Variants in KIF25 observed in about 807,000 individuals in gnomAD.
KIF25 encodes the protein kinesin family member 25, also known as kinesin-like protein KIF25.
A neutral mutation model predicts 32.9 loss-of-function variants in KIF25; 19 were observed. The ratio of observed to expected loss-of-function variants is 0.58; its 90% CI spans 0.40 to 0.85. KIF25 has a LOEUF of 0.85. KIF25 is among the 40% of genes least tolerant of loss of function. KIF25 has a pLI of 0.00. For missense variants in KIF25, 485 were observed against 507.0 expected (o/e 0.96, Z 0.42); for synonymous variants, 225 against 213.7 (o/e 1.05, Z -0.46).
intron 5 of KIF25, among the ~76,000 whole-genome samples, chr6:168,029,092 A>C (rs1337695326): frequency 1.3e-5 from 2 of 152,208 alleles, no homozygotes; most frequent in East Asian, 3.8e-4. Context: ...TCAACTGCAT[A>C]AGCCAATCAT....
chr6:168,018,437 A>G (rs1303280443), intron 5 of KIF25, among the ~76,000 whole-genome samples: 1 of 152,138 alleles, frequency 6.6e-6, no homozygotes, highest in East Asian at 1.9e-4. Context: ...TATCAAATGC[A>G]TTTTCAACTT....
Position 168,018,055 on chromosome 6 carries a change from A to G in KIF25, c.-95+15A>G, listed in dbSNP as rs1180743441. ...CATTTTGAAAGGTAAGTGCTTTTCA[A>G]GATGTCCTATAAAGCAAACTTCCAT... On this transcript the variant is annotated intron_variant, in intron 5 of 12. Coordinates refer to ENST00000643607, the MANE Select transcript of KIF25 (RefSeq NM_030615.4). The G allele has an allele frequency of 6.6e-6, 1 of 152,646 alleles. No individual in the cohort carries two copies. The highest frequency in any genetic ancestry group is 6.5e-5 in the Admixed American group (1 of 15,280). 9.5% of individuals were successfully genotyped at this position (152,646 alleles called of 1,614,324 possible).
In KIF25 at chr6:168,045,074, G is replaced by C. The variant is rs191331655; in HGVS notation, c.*78G>C. ...ATGCATATGTGCTTAGAAATAAACA[G>C]GTTTCACGTGGACTCAATAAACCTG... On this transcript the variant is annotated 3_prime_UTR_variant, in exon 13 of 13. Coordinates refer to ENST00000643607, the MANE Select transcript of KIF25 (RefSeq NM_030615.4). 2.0e-4 allele frequency: 282 copies of C among 1,379,350 alleles called. 1 individual carries two copies. The African/African-American group carries it at 2.9e-3, about 14-fold the overall frequency. The allele number at this position is 1,379,350 out of a possible 1,614,324, so 85.4% of individuals were successfully genotyped here.
chr6:168,018,694 C>T (rs1442421060), intron 5 of KIF25, among the ~76,000 whole-genome samples: 5 of 152,186 alleles, frequency 3.3e-5, no homozygotes, highest in South Asian at 2.1e-4. Flanking sequence ...AGAATCAATG[C>T]GCGTGGCCTT....
In KIF25 at chr6:168,042,649, G is replaced by A; in HGVS notation, c.918G>A (p.Leu306=). Residue 306 remains leucine, a synonymous_variant, in exon 12 of 13, where the codon TTG becomes TTA. Coordinates refer to ENST00000643607, the MANE Select transcript of KIF25 (RefSeq NM_030615.4). ...CCCTGGCAGGCGTCCTGGGGGCTTT[G>A]TTGGAGCACCGTGGCCATGCCCCGT... The part of the protein sequence containing the change: ...LAALAGVLGA[L]LEHRGHAPYR... 1.1e-5 allele frequency: 17 copies of A among 1,613,812 alleles called. No homozygotes were observed. Among genetic ancestry groups the A allele is most frequent in the Non-Finnish European group, 1.4e-5 (17 of 1,180,024 alleles).
chr6:168,041,467 T>A (rs1466568779), intron 10 of KIF25, among the ~76,000 whole-genome samples: 2 of 152,168 alleles, frequency 1.3e-5, no homozygotes, highest in African/African-American at 4.8e-5. Flanking sequence ...TCATGTCCTT[T>A]AAAAAAAATT....
At chr6:168,005,139 C>T (rs951010395) in intron 4 of KIF25, among the ~76,000 whole-genome samples, 7 of 151,876 alleles carry the variant, frequency 4.6e-5, no homozygotes, top group Non-Finnish European at 8.8e-5. Context: ...CTGTCACAGG[C>T]AAGCCTGGCA....
At chr6:168,004,957 C>T (rs1321187117) in intron 4 of KIF25, among the ~76,000 whole-genome samples, 2 of 152,184 alleles carry the variant, frequency 1.3e-5, no homozygotes, top group African/African-American at 4.8e-5. Flanking sequence ...TCTGCCAAGC[C>T]AGAATGCGGA....
chr6:168,020,202 G>C (rs1424485817), intron 5 of KIF25, among the ~76,000 whole-genome samples: 1 of 152,092 alleles, frequency 6.6e-6, no homozygotes, highest in Non-Finnish European at 1.5e-5. Context: ...AAGACACGTT[G>C]AAGACTCAGG....
chr6:168,019,855 T>G (rs1308155774), intron 5 of KIF25, among the ~76,000 whole-genome samples: 1 of 151,440 alleles, frequency 6.6e-6, no homozygotes, highest in African/African-American at 2.4e-5. Flanking sequence ...CGGCCGGAGG[T>G]GGGGCGCGGT....
At chr6:168,022,012 T>C (rs1294648509) in intron 5 of KIF25, among the ~76,000 whole-genome samples, 2 of 152,242 alleles carry the variant, frequency 1.3e-5, no homozygotes, top group Non-Finnish European at 2.9e-5. Flanking sequence ...TATTTTATTT[T>C]ATAATACTGC....
At chr6:168,037,991 G>A (rs1799049719) in intron 8 of KIF25, among the ~76,000 whole-genome samples, 1 of 152,170 alleles carries the variant, frequency 6.6e-6, no homozygotes. Flanking sequence ...TGGAATTACA[G>A]GTGTGAGCCA....
intron 4 of KIF25, among the ~76,000 whole-genome samples, chr6:168,016,366 C>T (rs1583130731): frequency 6.6e-6 from 1 of 152,210 alleles, no homozygotes; most frequent in Non-Finnish European, 1.5e-5. Flanking sequence ...AAAGCCGTGC[C>T]GGAGCACGAG....
At chr6:167,999,582 C>T (rs1368300485) in intron 2 of KIF25, among the ~76,000 whole-genome samples, 4 of 152,190 alleles carry the variant, frequency 2.6e-5, no homozygotes, top group South Asian at 2.1e-4. Context: ...CCTGAGAGGG[C>T]GTCCGTCTTT....
chr6:168,008,873 A>G (rs1798612008), intron 4 of KIF25, among the ~76,000 whole-genome samples: 1 of 151,862 alleles, frequency 6.6e-6, no homozygotes, highest in Non-Finnish European at 1.5e-5. Flanking sequence ...TTTATTTTTC[A>G]TTTAGTTCAT....
chr6:168,006,248 G>A (rs1014804656), intron 4 of KIF25, among the ~76,000 whole-genome samples: 2 of 149,690 alleles, frequency 1.3e-5, no homozygotes, highest in African/African-American at 4.9e-5. Context: ...TCACTATGTT[G>A]CCCAGGCTAG....
intron 5 of KIF25, among the ~76,000 whole-genome samples, chr6:168,027,094 G>A (rs1273923926): frequency 2.0e-5 from 3 of 152,170 alleles, no homozygotes; most frequent in African/African-American, 7.2e-5. Context: ...AGGAGGCAGA[G>A]ATGGGGGAGG....
At chr6:168,019,742 G>T (rs554830431) in intron 5 of KIF25, among the ~76,000 whole-genome samples, 1 of 152,176 alleles carries the variant, frequency 6.6e-6, no homozygotes, top group Non-Finnish European at 1.5e-5. Context: ...GCATCATGGC[G>T]CCATGGGACC....
chr6:168,007,055 A>G (rs1798589144), intron 4 of KIF25, among the ~76,000 whole-genome samples: 1 of 152,216 alleles, frequency 6.6e-6, no homozygotes, highest in African/African-American at 2.4e-5. Flanking sequence ...GACATCTACA[A>G]CATGATAATT....
Sources: gnomAD v4.1 joint callset for allele counts (sites outside exome capture counted in the v4.1 genomes callset) on GRCh38, gnomAD v4.1.1 for gene constraint, MANE v1.5 for transcripts, NCBI Gene and HGNC (gene_info 2026-07-23, HGNC 2026-07-21) for gene names.